Variants in COG6 observed in about 807,000 individuals in gnomAD.
COG6 encodes component of oligomeric golgi complex 6.
Under a neutral mutation model 88.8 loss-of-function variants are expected in COG6, and 74 were observed. The observed-to-expected ratio is 0.83, with a 90% CI of 0.69 to 1.01. The LOEUF is 1.01. Among genes scored for constraint, COG6 ranks in the 50% least tolerant of loss-of-function variants. The pLI, the probability that COG6 is intolerant of heterozygous loss-of-function variation, is 0.00. For synonymous variants in COG6, 286 were observed against 278.7 expected, an observed-to-expected ratio of 1.03 and a Z score of -0.26; for missense variants, 800 against 797.9, an observed-to-expected ratio of 1.00 and a Z score of -0.03.
exon 19 of COG6, chr13:39,788,736 T>A (rs1881851149): frequency 5.7e-6 from 1 of 176,784 alleles, no homozygotes; most frequent in South Asian, 1.9e-4. Flanking sequence ...TCTAAATAAC[T>A]TTAGTGTTCA....
rs191888833 is a variant in COG6, at chr13:39,687,368, A to G, written c.789-135A>G. 1.9e-4 allele frequency: 152 copies of G among 783,032 alleles called. No homozygotes were observed. The Admixed American group carries it at 2.2e-3, about 11-fold the overall frequency. 48.5% of individuals were successfully genotyped at this position (783,032 alleles called of 1,614,324 possible). On this transcript the variant is annotated intron_variant, in intron 8 of 18. Coordinates refer to ENST00000455146, the MANE Select transcript of COG6 (RefSeq NM_020751.3). Reference sequence around the variant, plus strand: ...AATATTTTTTTCTTGTTTGAAAGCAATGTTGCTTGACCGAATATCTAAAGG... The same window carrying G: ...AATATTTTTTTCTTGTTTGAAAGCAGTGTTGCTTGACCGAATATCTAAAGG...
In COG6 at chr13:39,681,996, C is replaced by G. The variant is rs577380296; in HGVS notation, c.695-175C>G. Among the ~76,000 whole-genome samples the G allele has an allele frequency of 2.1e-3, 314 of 152,054 alleles. 4 individuals are homozygous for G. The highest frequency in any genetic ancestry group is 7.0e-3 in the African/African-American group (291 of 41,494). On this transcript the variant is annotated intron_variant, in intron 7 of 18. Coordinates refer to ENST00000455146, the MANE Select transcript of COG6 (RefSeq NM_020751.3). ...AAGTTATATAACTACTTAAGCTTAA[C>G]TTTTTAGTTTGGTTGACAGCATAAA...
intron 11 of COG6, among the ~76,000 whole-genome samples, chr13:39,694,201 C>T (rs76035138): frequency 0.06 from 9,041 of 151,680 alleles, 383 homozygotes; most frequent in Non-Finnish European, 0.095. Flanking sequence ...AATAGACAAA[C>T]GATATAATAA....
At chr13:39,719,422 T>C (rs1878725334) in intron 14 of COG6, 55 bp downstream of exon 14, 6 of 1,549,982 alleles carry the variant, frequency 3.9e-6, no homozygotes, top group Admixed American at 1.7e-5. Context: ...TTGTACACTG[T>C]GTTTCAATTC....
chr13:39,675,678 T>G (rs1320887076), intron 4 of COG6, among the ~76,000 whole-genome samples: 1 of 152,114 alleles, frequency 6.6e-6, no homozygotes, highest in Non-Finnish European at 1.5e-5. Context: ...GTAGCATTTG[T>G]TTTGGTTACA....
chr13:39,717,445 A>T (rs1020964831), intron 13 of COG6, among the ~76,000 whole-genome samples: 3 of 150,520 alleles, frequency 2.0e-5, no homozygotes, highest in African/African-American at 7.3e-5. Flanking sequence ...TTATACTTAT[A>T]TTGTTAAATG....
In COG6 at chr13:39,724,569, T is replaced by A. The variant is rs566613383; in HGVS notation, c.1746+8T>A. 21 of 1,584,680 alleles carry A rather than the reference T, an allele frequency of 1.3e-5. No individual in the cohort carries two copies. In the African/African-American group the frequency reaches 2.0e-4, roughly 15 times the overall value. On this transcript the variant is annotated splice_region_variant and intron_variant, in intron 17 of 18. Coordinates refer to ENST00000455146, the MANE Select transcript of COG6 (RefSeq NM_020751.3). ...ACACTGAAGGCTGCAATGGTAAGTG[T>A]ATAATAAAACATTTTAATTTAGATT...
chr13:39,753,291 A>G (rs1880727429), downstream of COG6, among the ~76,000 whole-genome samples: 1 of 152,182 alleles, frequency 6.6e-6, no homozygotes, highest in Non-Finnish European at 1.5e-5. Context: ...GAAGACAGCC[A>G]TCAGTGAGGA....
downstream of COG6, among the ~76,000 whole-genome samples, chr13:39,756,031 C>A: frequency 6.6e-6 from 1 of 152,022 alleles, no homozygotes. Flanking sequence ...ACTTATTAGA[C>A]AAAGATTTTA....
rs1876878005 is a variant in COG6 at position 39,689,820 on chromosome 13, T to TA, written c.1073dup (p.Val359GlyfsTer4). ...ATCACTGAAGGTGTGTGCAGGCCTC[T>TA]AAAGGTAAAATATTTTGTTTTTACA... On this transcript the variant is annotated frameshift_variant, in exon 11 of 19. Transcript: ENST00000455146. LOFTEE classifies it high-confidence loss of function. 2.5e-6 allele frequency: 4 copies of TA among 1,607,030 alleles called. No individual in the cohort carries two copies. The highest frequency in any genetic ancestry group is 3.4e-6 in the Non-Finnish European group (4 of 1,174,720).
At chr13:39,750,819 TTAAA>T (rs1348686190) in intron 18 of COG6, 123 bp from the exon 19 acceptor site, 18 of 710,262 alleles carry the variant, frequency 2.5e-5, no homozygotes, top group Admixed American at 4.2e-5. Flanking sequence ...ATAGTGATTA[TTAAA>T]TAGTGTATGT....
chr13:39,682,100 C>A, intron 7 of COG6, 71 bp from the exon 8 acceptor site: 2 of 1,092,302 alleles, frequency 1.8e-6, no homozygotes, highest in East Asian at 4.9e-5. Flanking sequence ...ATTTAGACTC[C>A]TGGAATGCAA....
chr13:39,665,002 G>A lies in COG6; in HGVS notation c.370-94G>A, dbSNP rs7991151. On this transcript the variant is annotated intron_variant, in intron 3 of 18. Coordinates refer to ENST00000455146, the MANE Select transcript of COG6 (RefSeq NM_020751.3). ...TGAGTTCCATAGAGTGATCTCATTT[G>A]TTTTAAGTCTAAATTGCAGTAAGTG... is the stretch of plus-strand genomic sequence containing the variant. 0.68 allele frequency: 486,149 copies of A among 718,798 alleles called. 165,533 individuals carry two copies. Among genetic ancestry groups the A allele is most frequent in the Admixed American group, 0.78 (39,151 of 49,974 alleles). 44.5% of individuals were successfully genotyped at this position (718,798 alleles called of 1,614,324 possible).
chr13:39,735,291 A>AT (rs1241404318), intron 18 of COG6, among the ~76,000 whole-genome samples: 14 of 152,006 alleles, frequency 9.2e-5, no homozygotes, highest in Non-Finnish European at 1.9e-4. Context: ...TGAGGTTACC[A>AT]TGAAGCTTCC....
At chr13:39,716,794 G>A (rs536855373) in intron 13 of COG6, among the ~76,000 whole-genome samples, 10 of 152,158 alleles carry the variant, frequency 6.6e-5, no homozygotes, top group South Asian at 4.1e-4. Flanking sequence ...CCTTTATGCC[G>A]TTATTAATAC....
chr13:39,680,090 G>A (rs752664382), intron 7 of COG6, 45 bp downstream of exon 7: 36 of 1,166,674 alleles, frequency 3.1e-5, no homozygotes, highest in Non-Finnish European at 4.5e-5. Flanking sequence ...AACATTTGTA[G>A]TTGTTTTTTA....
At chr13:39,681,395 A>G (rs1876305515) in intron 7 of COG6, among the ~76,000 whole-genome samples, 1 of 151,872 alleles carries the variant, frequency 6.6e-6, no homozygotes, top group Non-Finnish European at 1.5e-5. Flanking sequence ...CTAGTTTTCT[A>G]CTTCCTCAAA....
intron 18 of COG6, chr13:39,788,226 TGAA>T: frequency 8.8e-7 from 1 of 1,132,080 alleles, no homozygotes; most frequent in Non-Finnish European, 1.3e-6. Context: ...TGGTCCTGGA[TGAA>T]TATTTATTTC....
intron 13 of COG6, among the ~76,000 whole-genome samples, chr13:39,718,768 T>C (rs1878677445): frequency 6.6e-6 from 1 of 152,096 alleles, no homozygotes; most frequent in Admixed American, 6.6e-5. Context: ...CCTGGGGTGC[T>C]TGTTGAACTG....
Sources: gnomAD v4.1 joint callset for allele counts (sites outside exome capture counted in the v4.1 genomes callset) on GRCh38, gnomAD v4.1.1 for gene constraint, MANE v1.5 for transcripts, NCBI Gene and HGNC (gene_info 2026-07-23, HGNC 2026-07-21) for gene names.